The following FGD4 variants were observed in gnomAD, a reference collection of about 807,000 sequenced individuals.
The protein encoded by FGD4 is FYVE, RhoGEF and PH domain-containing protein 4.
FGD4 carries 42 observed loss-of-function variants against 102.0 expected under a neutral mutation model. The observed-to-expected ratio is 0.41, with a 90% CI of 0.32 to 0.53. The LOEUF is 0.53. Among genes scored for constraint, FGD4 ranks in the 20% least tolerant of loss-of-function variants. The pLI is 0.21. For synonymous variants in FGD4, 380 were observed against 375.7 expected, an observed-to-expected ratio of 1.01 and a Z score of -0.13; for missense variants, 902 against 1,078.2, an observed-to-expected ratio of 0.84 and a Z score of 2.29.
intron 2 of FGD4, among the ~76,000 whole-genome samples, chr12:32,569,658 C>G (rs1945479563): frequency 6.6e-6 from 1 of 152,150 alleles, no homozygotes; most frequent in Admixed American, 6.5e-5. Flanking sequence ...CACGTTTTCT[C>G]CTAGCACTTA....
chr12:32,480,306 T>C (rs1223618630), intron 1 of FGD4, among the ~76,000 whole-genome samples: 12 of 150,718 alleles, frequency 8.0e-5, no homozygotes, highest in African/African-American at 2.4e-4. Flanking sequence ...GGATTACAGG[T>C]ACGTGCCACC....
At chr12:32,615,417 A>G (rs1949387725) in intron 10 of FGD4, among the ~76,000 whole-genome samples, 1 of 152,250 alleles carries the variant, frequency 6.6e-6, no homozygotes, top group Non-Finnish European at 1.5e-5. Context: ...CATGATTTGT[A>G]CATTTTAAAA....
rs1194995667 is a variant in FGD4 at position 32,643,225 on chromosome 12, G to A, written c.*2692G>A. The A allele has an allele frequency of 6.6e-6, 1 of 152,554 alleles. No homozygotes were observed. Among genetic ancestry groups the A allele is most frequent in the South Asian group, 2.1e-4 (1 of 4,828 alleles). 9.5% of individuals were successfully genotyped at this position (152,554 alleles called of 1,614,324 possible). ...GTGCAGACTTTTATCTTGGTTTTAA[G>A]TGGGGCTCAATAAAAAACACCAGCC... On this transcript the variant is annotated 3_prime_UTR_variant, in exon 17 of 17. Transcript: ENST00000534526.
intron 1 of FGD4, among the ~76,000 whole-genome samples, chr12:32,529,416 C>T (rs886264390): frequency 5.9e-5 from 9 of 152,090 alleles, no homozygotes; most frequent in Admixed American, 2.0e-4. Context: ...TGAGCCACCG[C>T]GCCTGGCCTA....
intron 1 of FGD4, among the ~76,000 whole-genome samples, chr12:32,482,058 A>C (rs1216032678): frequency 6.6e-6 from 1 of 152,182 alleles, no homozygotes; most frequent in Non-Finnish European, 1.5e-5. Context: ...CAAATTTACA[A>C]ATCAAAGTAA....
At chr12:32,462,396 G>A (rs978678747) in intron 1 of FGD4, among the ~76,000 whole-genome samples, 2 of 151,756 alleles carry the variant, frequency 1.3e-5, no homozygotes, top group Admixed American at 6.6e-5. Flanking sequence ...CCTGACCTCA[G>A]GCAATCTGCC....
At chr12:32,612,497 C>T (rs538078511) in intron 10 of FGD4, among the ~76,000 whole-genome samples, 34 of 152,334 alleles carry the variant, frequency 2.2e-4, no homozygotes, top group African/African-American at 8.2e-4. Flanking sequence ...AGCAACACCC[C>T]AAGGATCCTT....
chr12:32,543,321 T>C (rs576349377), intron 1 of FGD4, among the ~76,000 whole-genome samples: 31 of 152,288 alleles, frequency 2.0e-4, no homozygotes, highest in African/African-American at 7.5e-4. Flanking sequence ...CATGGATGTA[T>C]TCACCAACTT....
At chr12:32,500,313 C>T (rs1938099075) in intron 1 of FGD4, among the ~76,000 whole-genome samples, 1 of 152,138 alleles carries the variant, frequency 6.6e-6, no homozygotes. Flanking sequence ...CTAGCACATA[C>T]TAGGGACCAG....
chr12:32,575,080 T>C (rs1414120204), intron 2 of FGD4, among the ~76,000 whole-genome samples: 1 of 152,226 alleles, frequency 6.6e-6, no homozygotes, highest in Non-Finnish European at 1.5e-5. Flanking sequence ...GGAAACTCTG[T>C]AGATTTTAGT....
chr12:32,638,060 C>T (rs947916950), intron 15 of FGD4, among the ~76,000 whole-genome samples: 27 of 152,232 alleles, frequency 1.8e-4, no homozygotes, highest in South Asian at 1.0e-3. Context: ...ATCGCATTGT[C>T]GTTAAAAGTT....
At chr12:32,499,154 A>G (rs966009761) in intron 1 of FGD4, among the ~76,000 whole-genome samples, 1 of 152,338 alleles carries the variant, frequency 6.6e-6, no homozygotes, top group Non-Finnish European at 1.5e-5. Flanking sequence ...AGCTGGCACA[A>G]TGGCTGCAAC....
At chr12:32,530,908 A>ACACTATCT (rs1941723031) in intron 1 of FGD4, among the ~76,000 whole-genome samples, 1 of 143,036 alleles carries the variant, frequency 7.0e-6, no homozygotes, top group Admixed American at 7.0e-5. Context: ...GGTTGAGTTT[A>ACACTATCT]CACTATCTAT....
chr12:32,441,825 C>T (rs1942443662), intron 1 of FGD4, among the ~76,000 whole-genome samples: 1 of 151,978 alleles, frequency 6.6e-6, no homozygotes, highest in East Asian at 1.9e-4. Context: ...CTGGGATTGG[C>T]GATTCCCCTC....
intron 8 of FGD4, 56 bp downstream of exon 8, chr12:32,608,151 G>A: frequency 6.2e-7 from 1 of 1,605,040 alleles, no homozygotes; most frequent in Non-Finnish European, 8.5e-7. Context: ...TGGCCAAGCA[G>A]CCTTATGGTT....
Position 32,638,670 on chromosome 12 carries a change from G to A in FGD4, c.2329G>A (p.Val777Ile), listed in dbSNP as rs578215212. The change falls in exon 16 of 17, where the codon GTA (valine) becomes ATA (isoleucine). Residue 777 changes from valine (V) to isoleucine (I), a missense_variant. Val to Ile is a conservative substitution (Grantham distance 29). Around this residue, in one of 2 missense-constraint regions of FGD4, gnomAD observed 459 missense variants for 619.0 expected, o/e 0.74. Transcript: ENST00000534526. The part of the protein sequence containing the change: ...KGILEIESAE[V>I]SGNSVVCSFL... ...ATTTTTCTAGATTGAATCAGCAGAA[G>A]TATCTGGAAACAGTGTGGTGTGCAG... 3.1e-6 allele frequency: 5 copies of A among 1,614,178 alleles called. No homozygotes were observed. Among genetic ancestry groups the A allele is most frequent in the African/African-American group, 2.7e-5 (2 of 75,042 alleles).
chr12:32,502,563 G>A (rs1055837669), intron 1 of FGD4, among the ~76,000 whole-genome samples: 2 of 152,160 alleles, frequency 1.3e-5, no homozygotes, highest in African/African-American at 4.8e-5. Flanking sequence ...TTCTGCTTGT[G>A]AAATTGTTTT....
intron 1 of FGD4, among the ~76,000 whole-genome samples, chr12:32,530,941 G>GTTTTT (rs768536136): frequency 0.014 from 964 of 70,478 alleles, 154 homozygotes; most frequent in African/African-American, 0.025. Flanking sequence ...CCTAGCTTTG[G>GTTTTT]TTTTTTTTTT....
intron 1 of FGD4, among the ~76,000 whole-genome samples, chr12:32,501,889 C>A (rs1592026880): frequency 6.6e-6 from 1 of 152,336 alleles, no homozygotes; most frequent in South Asian, 2.1e-4. Context: ...AGTTAGCTAT[C>A]TGAAATGTCA....
Sources: allele counts gnomAD v4.1 joint callset (sites outside exome capture counted in the v4.1 genomes callset), GRCh38; gene constraint gnomAD v4.1.1; regional missense constraint gnomAD v4.1.1; transcripts MANE v1.5; gene names NCBI Gene and HGNC (gene_info 2026-07-23, HGNC 2026-07-21).